Variants in ERBB4 observed in about 807,000 individuals in gnomAD.
ERBB4 encodes erb-b2 receptor tyrosine kinase 4, also known as receptor tyrosine-protein kinase erbB-4.
ERBB4 carries 42 observed loss-of-function variants against 158.0 expected under a neutral mutation model. The ratio of observed to expected loss-of-function variants is 0.27; its 90% CI spans 0.21 to 0.34. The LOEUF is 0.34. Ranked by LOEUF, ERBB4 falls within the 10% of genes least tolerant of loss-of-function variation. The probability of loss-of-function intolerance (pLI) is 1.00; values close to 1 mark genes in which losing one functional copy is unlikely to be tolerated. For missense variants in ERBB4, 1,333 were observed against 1,624.1 expected, an observed-to-expected ratio of 0.82 and a Z score of 3.08; for synonymous variants, 583 against 558.7, an observed-to-expected ratio of 1.04 and a Z score of -0.61.
At chr2:212,284,902 G>A (rs1233753693) in intron 1 of ERBB4, among the ~76,000 whole-genome samples, 2 of 152,256 alleles carry the variant, frequency 1.3e-5, no homozygotes, top group South Asian at 4.1e-4. Context: ...GTAAGCCTCA[G>A]TGTTTTAAGC....
chr2:211,697,863 C>T (rs1389613139), intron 12 of ERBB4, among the ~76,000 whole-genome samples: 1 of 151,990 alleles, frequency 6.6e-6, no homozygotes, highest in African/African-American at 2.4e-5. Context: ...ACAGAAATTC[C>T]ACATCTAAGT....
chr2:211,756,533 T>C (rs560363573), intron 4 of ERBB4, among the ~76,000 whole-genome samples: 2 of 152,282 alleles, frequency 1.3e-5, no homozygotes, highest in African/African-American at 4.8e-5. Context: ...TGGAGTTTAA[T>C]GGGTATTATG....
Position 211,377,959 on chromosome 2 carries a change from T to C in ERBB4, c.*5656A>G. 1 of 232,928 alleles carries C rather than the reference T, an allele frequency of 4.3e-6. No individual in the cohort carries two copies. The allele number at this position is 232,928 out of a possible 1,614,324, so 14.4% of individuals were successfully genotyped here. On this transcript the variant is annotated 3_prime_UTR_variant, in exon 28 of 28. Coordinates refer to ENST00000342788, the MANE Select transcript of ERBB4 (RefSeq NM_005235.3). ...TTAAACAGTGTCCAAATTGCTAGAA[T>C]CTCTTATGAAAAAATCAGGCATTCG... is the stretch of plus-strand genomic sequence containing the variant.
intron 2 of ERBB4, among the ~76,000 whole-genome samples, chr2:212,043,513 T>G (rs2077188293): frequency 6.6e-6 from 1 of 152,130 alleles, no homozygotes; most frequent in Admixed American, 6.6e-5. Context: ...GCAATCAAGA[T>G]TAACAGGGAT....
At position 211,430,928 on chromosome 2, in the gene ERBB4, C is replaced by T. The variant is rs2063736197; in HGVS notation, c.2643+17G>A. 1 of 1,605,216 alleles carries T rather than the reference C, an allele frequency of 6.2e-7. No individual in the cohort carries two copies. Among genetic ancestry groups the T allele is most frequent in the African/African-American group, 1.3e-5 (1 of 74,818 alleles). ...TACTATATTTTCAAGCAAGATTGCT[C>T]TCAAAAAGATACCCACCTTTCCTCC... On this transcript the variant is annotated intron_variant, in intron 21 of 27. Coordinates refer to ENST00000342788, the MANE Select transcript of ERBB4 (RefSeq NM_005235.3).
intron 1 of ERBB4, among the ~76,000 whole-genome samples, chr2:212,221,447 C>T (rs1252401595): frequency 6.6e-6 from 1 of 151,484 alleles, no homozygotes; most frequent in African/African-American, 2.4e-5. Flanking sequence ...AGGTATCAGT[C>T]ACCTAATGGT....
rs994604587 is a variant in ERBB4, at chr2:212,098,155, G to A, written c.234+26597C>T. Among the ~76,000 whole-genome samples, 7 of 152,244 alleles carry A rather than the reference G, an allele frequency of 4.6e-5. No individual in the cohort carries two copies. The South Asian group carries it at 8.3e-4, about 18-fold the overall frequency. On this transcript the variant is annotated intron_variant, in intron 2 of 27. Transcript: ENST00000342788. ...ACAGAGGCAGATTTATCTCGGAACC[G>A]ATGAAGCTTAATCTTCATGGCTCCC...
At chr2:212,339,165 C>G (rs999582495) in intron 1 of ERBB4, among the ~76,000 whole-genome samples, 6 of 152,068 alleles carry the variant, frequency 3.9e-5, no homozygotes, top group African/African-American at 1.4e-4. Context: ...TCTCCCTCCC[C>G]AACCCCACAC....
At chr2:211,987,673 G>A (rs2081973513) in intron 2 of ERBB4, among the ~76,000 whole-genome samples, 2 of 152,062 alleles carry the variant, frequency 1.3e-5, no homozygotes, top group Non-Finnish European at 1.5e-5. Flanking sequence ...TATTTTCTAA[G>A]GCTAAAGAAA....
intron 1 of ERBB4, among the ~76,000 whole-genome samples, chr2:212,485,703 C>A (rs559319065): frequency 6.6e-6 from 1 of 152,308 alleles, no homozygotes; most frequent in Non-Finnish European, 1.5e-5. Context: ...GGGTGGTTTA[C>A]AAACAAATAA....
chr2:212,369,610 G>C (rs1050670218), intron 1 of ERBB4, among the ~76,000 whole-genome samples: 2 of 151,722 alleles, frequency 1.3e-5, no homozygotes, highest in African/African-American at 4.8e-5. Context: ...TATGGCATTT[G>C]TTTACTTTAA....
intron 1 of ERBB4, among the ~76,000 whole-genome samples, chr2:212,428,002 T>C (rs1229286201): frequency 6.6e-6 from 1 of 152,162 alleles, no homozygotes; most frequent in South Asian, 2.1e-4. Context: ...TGAGAAAGAA[T>C]AATAATGTCT....
chr2:211,784,907 C>T (rs2076120876), intron 4 of ERBB4, among the ~76,000 whole-genome samples: 1 of 152,058 alleles, frequency 6.6e-6, no homozygotes, highest in East Asian at 1.9e-4. Flanking sequence ...TGTGTACCAT[C>T]TTGTAGAAAT....
At chr2:211,666,956 A>C (rs2071654321) in intron 14 of ERBB4, among the ~76,000 whole-genome samples, 1 of 152,234 alleles carries the variant, frequency 6.6e-6, no homozygotes, top group South Asian at 2.1e-4. Context: ...GATATTAGGT[A>C]GGGATTGTAA....
chr2:211,712,562 A>G lies in ERBB4; in HGVS notation c.998-386T>C, dbSNP rs2073740308. On this transcript the variant is annotated intron_variant, in intron 8 of 27. Transcript: ENST00000342788. ...TTTTTAATGATTTTGAAATGCTGGT[A>G]ACTTTAGCAAAATGATTTCATGGCC... Among the ~76,000 whole-genome samples, 4 of 152,142 alleles carry G rather than the reference A, an allele frequency of 2.6e-5. No individual in the cohort carries two copies. The South Asian group carries it at 8.3e-4, about 32-fold the overall frequency.
At chr2:212,230,791 A>G (rs1024577794) in intron 1 of ERBB4, among the ~76,000 whole-genome samples, 4 of 152,306 alleles carry the variant, frequency 2.6e-5, no homozygotes, top group Non-Finnish European at 4.4e-5. Context: ...ATAATACAAA[A>G]GTTTTTCACT....
chr2:212,413,899 C>A (rs1308132914), intron 1 of ERBB4, among the ~76,000 whole-genome samples: 1 of 152,128 alleles, frequency 6.6e-6, no homozygotes, highest in Non-Finnish European at 1.5e-5. Context: ...AAGAGTACAG[C>A]CTACTCAAGT....
At chr2:211,892,576 G>A (rs2078996514) in intron 3 of ERBB4, among the ~76,000 whole-genome samples, 1 of 143,894 alleles carries the variant, frequency 6.9e-6, no homozygotes, top group African/African-American at 2.7e-5. Flanking sequence ...GGCAGGAGAA[G>A]GAAATAAAGG....
At chr2:211,609,605 G>A (rs2069116750) in intron 19 of ERBB4, among the ~76,000 whole-genome samples, 1 of 152,110 alleles carries the variant, frequency 6.6e-6, no homozygotes, top group South Asian at 2.1e-4. Context: ...TGCTGCACCA[G>A]GATCCTAGCT....
Sources: gnomAD v4.1 joint callset for allele counts (sites outside exome capture counted in the v4.1 genomes callset) on GRCh38, gnomAD v4.1.1 for gene constraint, MANE v1.5 for transcripts, NCBI Gene and HGNC (gene_info 2026-07-23, HGNC 2026-07-21) for gene names.